The following AGBL1 variants were observed in gnomAD, a reference collection of about 807,000 sequenced individuals.
AGBL1 encodes AGBL carboxypeptidase 1.
AGBL1 carries 130 observed loss-of-function variants against 118.9 expected under a neutral mutation model. That is an observed-to-expected ratio of 1.09 (90% CI 0.95 to 1.26). The LOEUF (loss-of-function observed/expected upper bound fraction) is 1.26. AGBL1 is among the 50% of genes most tolerant of loss of function. The pLI is 0.00. For synonymous variants in AGBL1, 555 were observed against 478.9 expected, an observed-to-expected ratio of 1.16 and a Z score of -2.08; for missense variants, 1,584 against 1,298.1, an observed-to-expected ratio of 1.22 and a Z score of -3.38.
intron 22 of AGBL1, among the ~76,000 whole-genome samples, chr15:86,849,513 C>CT (rs1432477083): frequency 1.1e-5 from 1 of 87,714 alleles, no homozygotes; most frequent in Non-Finnish European, 2.6e-5. Flanking sequence ...TTCTTTCTTT[C>CT]TTTCTTTTTT....
At chr15:86,224,726 C>G (rs1301698922) in intron 5 of AGBL1, among the ~76,000 whole-genome samples, 188 bp from the exon 6 acceptor site, 1 of 152,184 alleles carries the variant, frequency 6.6e-6, no homozygotes, top group South Asian at 2.1e-4. Flanking sequence ...ACAAGACGGA[C>G]ACTTCGCTCA....
intron 22 of AGBL1, among the ~76,000 whole-genome samples, chr15:86,885,038 C>T (rs1596590733): frequency 2.0e-5 from 3 of 152,004 alleles, no homozygotes; most frequent in African/African-American, 2.4e-5. Flanking sequence ...TTTTACAATG[C>T]TATTTTTATT....
At chr15:86,522,260 G>A (rs1255927054) in intron 18 of AGBL1, among the ~76,000 whole-genome samples, 1 of 152,142 alleles carries the variant, frequency 6.6e-6, no homozygotes, top group African/African-American at 2.4e-5. Context: ...TGCAATAGAA[G>A]AGAGAGAACA....
chr15:86,216,142 T>A (rs545001987), intron 5 of AGBL1, among the ~76,000 whole-genome samples: 1 of 152,326 alleles, frequency 6.6e-6, no homozygotes, highest in South Asian at 2.1e-4. Context: ...GTTTTAATAG[T>A]TTTTAGTGAC....
chr15:86,647,890 C>T (rs56092180), intron 21 of AGBL1, among the ~76,000 whole-genome samples: 11,882 of 152,012 alleles, frequency 0.078, 598 homozygotes, highest in South Asian at 0.089. Context: ...TATGTGAGGA[C>T]GTGAGCCATG....
chr15:86,787,493 G>C (rs2078429756), intron 22 of AGBL1, among the ~76,000 whole-genome samples: 1 of 151,842 alleles, frequency 6.6e-6, no homozygotes. Context: ...TTTTTCTTTA[G>C]ACTCCACATA....
chr15:86,145,614 C>A (rs564546227), intron 3 of AGBL1, among the ~76,000 whole-genome samples: 3 of 152,322 alleles, frequency 2.0e-5, no homozygotes, highest in East Asian at 1.9e-4. Flanking sequence ...ACGCTGAGTC[C>A]ATTCAACATG....
rs971713803 is a variant in AGBL1, at chr15:86,225,043, T to C, written c.526+92T>C. 8.9e-6 allele frequency: 12 copies of C among 1,343,104 alleles called. No homozygotes were observed. The African/African-American group carries it at 1.6e-4, about 18-fold the overall frequency. 83.2% of individuals were successfully genotyped at this position (1,343,104 alleles called of 1,614,324 possible). ...TCCCCATGGCTGTTTCTTTTTTTTT[T>C]TTTTTCATGAACTACTATTTCTCAA... On this transcript the variant is annotated intron_variant, in intron 6 of 22. Transcript: ENST00000614907.
At chr15:86,452,363 T>A (rs1190623812) in intron 18 of AGBL1, among the ~76,000 whole-genome samples, 2 of 152,186 alleles carry the variant, frequency 1.3e-5, no homozygotes. Flanking sequence ...TGTTCCTGAT[T>A]TCTCCTAGTG....
intron 22 of AGBL1, among the ~76,000 whole-genome samples, chr15:86,796,130 A>G (rs2078567137): frequency 6.6e-6 from 1 of 152,122 alleles, no homozygotes; most frequent in Non-Finnish European, 1.5e-5. Context: ...AGATGAATGA[A>G]TGCTTTTCTC....
intron 17 of AGBL1, among the ~76,000 whole-genome samples, chr15:86,357,108 G>C (rs761727009): frequency 1.3e-5 from 2 of 152,180 alleles, no homozygotes; most frequent in African/African-American, 2.4e-5. Context: ...AAGTAACTCA[G>C]TTGGAACATG....
chr15:86,843,185 A>G (rs2141441520), intron 22 of AGBL1, among the ~76,000 whole-genome samples: 1 of 152,310 alleles, frequency 6.6e-6, no homozygotes, highest in South Asian at 2.1e-4. Flanking sequence ...CATTTACCAC[A>G]GCCTGATGCT....
At chr15:86,991,993 T>C (rs2141743186) in intron 24 of AGBL1, among the ~76,000 whole-genome samples, 1 of 152,306 alleles carries the variant, frequency 6.6e-6, no homozygotes, top group East Asian at 1.9e-4. Flanking sequence ...TACCTGAGGC[T>C]GGGTAGTTTA....
intron 17 of AGBL1, among the ~76,000 whole-genome samples, chr15:86,318,922 G>C (rs1484614227): frequency 1.3e-5 from 2 of 151,944 alleles, no homozygotes; most frequent in African/African-American, 4.8e-5. Context: ...TTGTGAGTCT[G>C]GGTGAATTTT....
intron 22 of AGBL1, among the ~76,000 whole-genome samples, chr15:86,883,096 A>G (rs2079918849): frequency 6.6e-6 from 1 of 152,232 alleles, no homozygotes; most frequent in African/African-American, 2.4e-5. Flanking sequence ...ATCTAATTAT[A>G]TCCTCATTAA....
intron 22 of AGBL1, among the ~76,000 whole-genome samples, chr15:86,700,034 ATTCC>A (rs1314682647): frequency 1.3e-5 from 2 of 151,908 alleles, no homozygotes; most frequent in Non-Finnish European, 2.9e-5. Flanking sequence ...AGGAAGAGCT[ATTCC>A]TTCCCTCTTC....
intron 18 of AGBL1, among the ~76,000 whole-genome samples, chr15:86,480,725 T>A (rs1031493236): frequency 2.0e-5 from 3 of 151,748 alleles, no homozygotes; most frequent in African/African-American, 7.3e-5. Context: ...GAAGATAAGA[T>A]CATGTTTTCT....
At chr15:86,236,616 A>G (rs1410198582) in intron 6 of AGBL1, among the ~76,000 whole-genome samples, 3 of 152,038 alleles carry the variant, frequency 2.0e-5, no homozygotes, top group East Asian at 1.9e-4. Flanking sequence ...CTCGGGCCGA[A>G]TTGGATAAAA....
chr15:86,747,886 C>A (rs2077781201), intron 22 of AGBL1, among the ~76,000 whole-genome samples: 1 of 152,154 alleles, frequency 6.6e-6, no homozygotes, highest in Non-Finnish European at 1.5e-5. Flanking sequence ...CGTTGATGGA[C>A]ATTTGGGTTG....
Sources: allele counts gnomAD v4.1 joint callset (sites outside exome capture counted in the v4.1 genomes callset), GRCh38; gene constraint gnomAD v4.1.1; transcripts MANE v1.5; gene names NCBI Gene and HGNC (gene_info 2026-07-23, HGNC 2026-07-21).